TTN: variants seen among roughly 807,000 people sequenced by gnomAD.
The protein encoded by TTN is titin, also known as connectin.
Under a neutral mutation model 3,223.0 loss-of-function variants are expected in TTN, and 1,525 were observed. That is an observed-to-expected ratio of 0.47 (90% CI 0.45 to 0.49). TTN has a LOEUF of 0.49. Among genes scored for constraint, TTN ranks in the 20% least tolerant of loss-of-function variants. TTN has a pLI of 0.00. For missense variants in TTN, 40,786 were observed against 43,424.0 expected (o/e 0.94, Z 5.40); for synonymous variants, 14,094 against 15,161.0 (o/e 0.93, Z 5.17).
intron 49 of TTN, among the ~76,000 whole-genome samples, chr2:178,736,544 T>C (rs1029021477): frequency 6.6e-6 from 1 of 152,214 alleles, no homozygotes; most frequent in Non-Finnish European, 1.5e-5. Flanking sequence ...AATTCTTATA[T>C]GGCTTAACTA....
intron 169 of TTN, 31 bp from the exon 170 acceptor site, chr2:178,663,933 G>T (rs375467832): frequency 5.0e-6 from 8 of 1,612,090 alleles, no homozygotes; most frequent in African/African-American, 4.0e-5. Context: ...TTACATTTAG[G>T]TGTTATGAAG....
chr2:178,568,152 G>A lies in TTN; in HGVS notation c.77980C>T (p.Pro25994Ser). Reference protein sequence around the residue: ...AQYPYKEPGPPGTPFATAISK... With the variant: ...AQYPYKEPGPSGTPFATAISK... ...ATGGCTGTGGCAAATGGTGTACCTG[G>A]AGGGCCTGGTTCTTTGTAGGGATAT... Residue 25994 changes from proline to serine, a missense_variant, in exon 326 of 363, where the codon CCA becomes TCA. Physicochemically the swap from Pro to Ser is moderately conservative, Grantham distance 74. Transcript: ENST00000589042. 5.0e-6 allele frequency: 8 copies of A among 1,613,504 alleles called. No individual in the cohort carries two copies. The highest frequency in any genetic ancestry group is 6.8e-6 in the Non-Finnish European group (8 of 1,179,590).
At chr2:178,756,044 AAATT>A (rs1383946920) in intron 46 of TTN, among the ~76,000 whole-genome samples, 174 bp downstream of exon 46, 1 of 152,222 alleles carries the variant, frequency 6.6e-6, no homozygotes, top group Non-Finnish European at 1.5e-5. Flanking sequence ...CTGGTAAGTT[AAATT>A]TTCAGGATAA....
In TTN at chr2:178,553,776, G is replaced by T. The variant is rs376853821; in HGVS notation, c.89229C>A (p.Ile29743=). ...DPPGPPAKIR[I]ADSTKSSITL... ...TGATGGATGACTTGGTTGAATCTGC[G>T]ATTCTTATCTTAGCAGGTGGACCTG... Residue 29743 remains isoleucine, a synonymous_variant, in exon 334 of 363, where the codon ATC becomes ATA. Coordinates refer to ENST00000589042, the MANE Select transcript of TTN (RefSeq NM_001267550.2). 4.4e-6 allele frequency: 7 copies of T among 1,604,496 alleles called. No individual in the cohort carries two copies. Among genetic ancestry groups the T allele is most frequent in the South Asian group, 3.3e-5 (3 of 89,770 alleles).
intron 41 of TTN, 32 bp downstream of exon 41, chr2:178,766,349 C>A (rs2154340747): frequency 6.5e-7 from 1 of 1,528,496 alleles, no homozygotes; most frequent in South Asian, 1.1e-5. Context: ...CTGATGGATC[C>A]ACAAAATATG....
chr2:178,801,992 T>C, intron 3 of TTN, 146 bp downstream of exon 3: 1 of 974,354 alleles, frequency 1.0e-6, no homozygotes, highest in Non-Finnish European at 1.6e-6. Flanking sequence ...AACAACTTGG[T>C]TATAAATAAT....
Position 178,600,793 on chromosome 2 carries a change from A to T in TTN, c.56050+61T>A, listed in dbSNP as rs189193007. ...ATAGCTCTTTTAATTGTGAACTATT[A>T]TTGAACACCTAGGAAGGCAGCTGTA... On this transcript the variant is annotated intron_variant, in intron 288 of 362. Transcript: ENST00000589042. 8.4e-4 allele frequency: 1,342 copies of T among 1,594,882 alleles called. 2 individuals carry two copies. Among genetic ancestry groups the T allele is most frequent in the Non-Finnish European group, 1.1e-3 (1,282 of 1,163,292 alleles).
At chr2:178,659,489 A>C (rs1475700834) in intron 180 of TTN, among the ~76,000 whole-genome samples, 1 of 148,494 alleles carries the variant, frequency 6.7e-6, no homozygotes, top group African/African-American at 2.4e-5. Flanking sequence ...GACAAAATTC[A>C]ACAGCCCTTC....
rs761567421 is a variant in TTN, at chr2:178,579,256, C to A, written c.67774G>T (p.Ala22592Ser). Residue 22592 changes from alanine (A) to serine (S), a missense_variant, in exon 320 of 363, where the codon GCA becomes TCA. Transcript: ENST00000589042. ...VSWKKGEDPL[A>S]TDTRVSVESS... is the part of the protein sequence containing the mutation. ...TCAACACTGACTCTAGTGTCAGTTG[C>A]TAGAGGATCTTCCCCTTTCTTCCAG... is the stretch of plus-strand genomic sequence containing the variant. 2 of 1,613,390 alleles carry A rather than the reference C, an allele frequency of 1.2e-6. No homozygotes were observed. Among genetic ancestry groups the A allele is most frequent in the South Asian group, 1.1e-5 (1 of 91,064 alleles).
intron 6 of TTN, among the ~76,000 whole-genome samples, chr2:178,798,199 T>C (rs1267094448): frequency 6.6e-6 from 1 of 152,194 alleles, no homozygotes; most frequent in African/African-American, 2.4e-5. Context: ...ACTATCTCCT[T>C]ATTATTCTTT....
At chr2:178,735,062 A>G (rs1222541677) in intron 50 of TTN, 74 bp from the exon 51 acceptor site, 1 of 1,441,106 alleles carries the variant, frequency 6.9e-7, no homozygotes, top group African/African-American at 1.4e-5. Flanking sequence ...AAGTAGACAT[A>G]TACAACAAAG....
Position 178,605,172 on chromosome 2 carries a change from T to C in TTN, c.54005A>G (p.Lys18002Arg). 6.2e-7 allele frequency: 1 copy of C among 1,612,554 alleles called. No homozygotes were observed. The highest frequency in any genetic ancestry group is 8.5e-7 in the Non-Finnish European group (1 of 1,179,176). ...GLPMPKIEWSKNETVIEKPTD... is the reference protein window; with the variant it reads ...GLPMPKIEWSRNETVIEKPTD... ...GGGTTTTTCAATTACAGTTTCATTT[T>C]TGGACCATTCAATCTTAGGCATTGG... The change falls in exon 280 of 363, where the codon AAA (lysine) becomes AGA (arginine). Residue 18002 changes from lysine (K) to arginine (R), a missense_variant. By Grantham distance (26) the Lys-to-Arg change is conservative. Coordinates refer to ENST00000589042, the MANE Select transcript of TTN (RefSeq NM_001267550.2).
At chr2:178,675,550 G>T in intron 149 of TTN, 121 bp downstream of exon 149, 1 of 809,948 alleles carries the variant, frequency 1.2e-6, no homozygotes, top group Non-Finnish European at 1.7e-6. Context: ...AAAAGAGTCA[G>T]AAATGACGAA....
In TTN at chr2:178,799,806, C is replaced by T; in HGVS notation, c.669+19G>A. On this transcript the variant is annotated intron_variant, in intron 5 of 362. Coordinates refer to ENST00000589042, the MANE Select transcript of TTN (RefSeq NM_001267550.2). ...GCAACAGCCTGAAAGGCTTGAAAAC[C>T]AACAGTATAGAAAAATACCTTTTCA... is the stretch of plus-strand genomic sequence containing the variant. The T allele has an allele frequency of 6.2e-7, 1 of 1,614,112 alleles. No homozygotes were observed. The highest frequency in any genetic ancestry group is 8.5e-7 in the Non-Finnish European group (1 of 1,180,010).
intron 46 of TTN, 34 bp from the exon 47 acceptor site, chr2:178,753,214 G>A (rs760949967): frequency 6.7e-7 from 1 of 1,498,080 alleles, no homozygotes; most frequent in African/African-American, 1.4e-5. Flanking sequence ...AGATTTTAGT[G>A]ATTAATTGCA....
rs767435344 is a variant in TTN, at chr2:178,550,064, C to T, written c.91774G>A (p.Asp30592Asn). The change falls in exon 337 of 363, where the codon GAC becomes AAC. Residue 30592 changes from aspartate (D) to asparagine (N), a missense_variant. Coordinates refer to ENST00000589042, the MANE Select transcript of TTN (RefSeq NM_001267550.2). ...TSLFVRDATR[D>N]HRGVYTVEAK... The stretch of plus-strand genomic sequence containing the variant: ...TCCACTGTGTATACACCACGATGGT[C>T]CCGAGTAGCATCTCTAACAAATAGG... 82 of 1,613,684 alleles carry T rather than the reference C, an allele frequency of 5.1e-5. 2 individuals are homozygous for T. In the South Asian group the frequency reaches 8.6e-4, roughly 17 times the overall value.
At position 178,549,093 on chromosome 2, in the gene TTN, G is replaced by A. The variant is rs1314867474; in HGVS notation, c.92533C>T (p.Pro30845Ser). 1 of 1,613,700 alleles carries A rather than the reference G, an allele frequency of 6.2e-7. No individual in the cohort carries two copies. The highest frequency in any genetic ancestry group is 8.5e-7 in the Non-Finnish European group (1 of 1,179,832). Residue 30845 changes from proline (P) to serine (S), a missense_variant, in exon 339 of 363, where the codon CCA becomes TCA. Physicochemically the swap from Pro to Ser is moderately conservative, Grantham distance 74. Coordinates refer to ENST00000589042, the MANE Select transcript of TTN (RefSeq NM_001267550.2). ...ATTTCCATGCCACCATCAAACACTGGTTTGGACCATTCTAAGCTCACAGTT... is the reference window on the plus strand; with the variant it reads ...ATTTCCATGCCACCATCAAACACTGATTTGGACCATTCTAAGCTCACAGTT... ...KTTVSLEWSKPVFDGGMEIIG... is the reference protein window; with the variant it reads ...KTTVSLEWSKSVFDGGMEIIG...
At position 178,565,196 on chromosome 2, in the gene TTN, G is replaced by A. The variant is rs771437632; in HGVS notation, c.80936C>T (p.Pro26979Leu). 9.9e-6 allele frequency: 16 copies of A among 1,613,380 alleles called. No homozygotes were observed. Among genetic ancestry groups the A allele is most frequent in the African/African-American group, 1.3e-5 (1 of 74,870 alleles). ...VLEKPGPPVG[P>L]VRFDEVSADF... ...TGCACTAACTTCATCAAACCGAACT[G>A]GGCCAACTGGAGGTCCAGGCTTTTC... Residue 26979 changes from proline to leucine, a missense_variant, in exon 326 of 363, where the codon CCA (proline) becomes CTA (leucine). Physicochemically the swap from Pro to Leu is moderately conservative, Grantham distance 98 (BLOSUM62 -3). Coordinates refer to ENST00000589042, the MANE Select transcript of TTN (RefSeq NM_001267550.2).
chr2:178,726,041 G>T lies in TTN; in HGVS notation c.20281C>A (p.Pro6761Thr). 6.6e-7 allele frequency: 1 copy of T among 1,508,338 alleles called. No individual in the cohort carries two copies. The highest frequency in any genetic ancestry group is 2.3e-5 in the Admixed American group (1 of 43,338). The allele number at this position is 1,508,338 out of a possible 1,614,324, so 93.4% of individuals were successfully genotyped here. A position where few individuals can be genotyped will look rare whatever the true frequency, so the allele number is the denominator to read the frequency against. The change falls in exon 70 of 363, where the codon CCT (proline) becomes ACT (threonine). Residue 6761 changes from proline (P) to threonine (T), a missense_variant. By Grantham distance (38) the Pro-to-Thr change is conservative (BLOSUM62 -1). Coordinates refer to ENST00000589042, the MANE Select transcript of TTN (RefSeq NM_001267550.2). ...CSTKVIVKEP[P>T]VFSSFPPIVE... The stretch of plus-strand genomic sequence containing the variant: ...ATAGGAGGGAAGCTGCTAAAAACAG[G>T]TGGCTCTGCAAAAAACAAGAATTTC...
Sources: gnomAD v4.1 joint callset for allele counts (sites outside exome capture counted in the v4.1 genomes callset) on GRCh38, gnomAD v4.1.1 for gene constraint, MANE v1.5 for transcripts, NCBI Gene and HGNC (gene_info 2026-07-23, HGNC 2026-07-21) for gene names.